Variants in RABGAP1L observed in about 807,000 individuals in gnomAD.
RABGAP1L encodes rab GTPase-activating protein 1-like.
In RABGAP1L, 63 loss-of-function variants were observed where a neutral mutation model predicts 137.7. The ratio of observed to expected loss-of-function variants is 0.46; its 90% CI spans 0.37 to 0.56. The LOEUF (loss-of-function observed/expected upper bound fraction) is 0.56, where lower values mean the gene tolerates loss of function less well. RABGAP1L is among the 20% of genes least tolerant of loss of function. The probability of loss-of-function intolerance (pLI) is 0.00; values close to 1 mark genes in which losing one functional copy is unlikely to be tolerated. For missense variants in RABGAP1L, 1,095 were observed against 1,244.0 expected, an observed-to-expected ratio of 0.88 and a Z score of 1.80; for synonymous variants, 431 against 433.7, an observed-to-expected ratio of 0.99 and a Z score of 0.08.
At chr1:174,338,857 G>T (rs1368817182) in intron 11 of RABGAP1L, among the ~76,000 whole-genome samples, 1 of 151,926 alleles carries the variant, frequency 6.6e-6, no homozygotes, top group Admixed American at 6.6e-5. Flanking sequence ...GCTAAGAATG[G>T]GTTTTGCACT....
At chr1:174,781,806 C>G (rs967144316) in intron 18 of RABGAP1L, among the ~76,000 whole-genome samples, 14 of 152,106 alleles carry the variant, frequency 9.2e-5, no homozygotes, top group Non-Finnish European at 1.3e-4. Flanking sequence ...TTTCCCAGCA[C>G]CATTTGTTAA....
chr1:174,874,398 C>T (rs1652728626), intron 19 of RABGAP1L: 1 of 904,164 alleles, frequency 1.1e-6, no homozygotes, highest in East Asian at 1.2e-4. Context: ...AGTTAAATGA[C>T]TTGCCCGGGG....
In RABGAP1L at chr1:174,217,602, G is replaced by C. The variant is rs1351288175; in HGVS notation, c.-33-1523G>C. On this transcript the variant is annotated intron_variant, in intron 1 of 25. Coordinates refer to ENST00000681986, the MANE Select transcript of RABGAP1L (RefSeq NM_001366446.1). ...TGCAGTCTGGAAGAGTAAAGACCTG[G>C]CTTGTAACACATTCTGCATTTTTAG... Among the ~76,000 whole-genome samples, 3 of 152,124 alleles carry C rather than the reference G, an allele frequency of 2.0e-5. No individual in the cohort carries two copies. In the East Asian group the frequency reaches 5.8e-4, roughly 29 times the overall value.
At chr1:174,527,594 A>G (rs1003806385) in intron 13 of RABGAP1L, among the ~76,000 whole-genome samples, 2 of 152,158 alleles carry the variant, frequency 1.3e-5, no homozygotes, top group African/African-American at 2.4e-5. Flanking sequence ...TGCTGATGAA[A>G]ATAATGTCTA....
At chr1:174,664,734 C>CTTTT (rs71701825) in intron 14 of RABGAP1L, among the ~76,000 whole-genome samples, 227 of 97,422 alleles carry the variant, frequency 2.3e-3, no homozygotes, top group Non-Finnish European at 3.4e-3. Context: ...TTTCTGCTTT[C>CTTTT]TTTTTTTTTT....
At chr1:174,885,244 A>G (rs1339716618) in intron 19 of RABGAP1L, among the ~76,000 whole-genome samples, 1 of 152,208 alleles carries the variant, frequency 6.6e-6, no homozygotes, top group East Asian at 1.9e-4. Flanking sequence ...TACCTGTAAG[A>G]TTAAATCAAA....
chr1:174,902,255 C>T (rs760202557), intron 19 of RABGAP1L, among the ~76,000 whole-genome samples: 2 of 152,180 alleles, frequency 1.3e-5, no homozygotes, highest in Non-Finnish European at 2.9e-5. Flanking sequence ...GTTTGGACCA[C>T]CTATATTCTC....
intron 3 of RABGAP1L, among the ~76,000 whole-genome samples, chr1:174,225,451 G>A (rs1342848263): frequency 9.0e-6 from 1 of 110,848 alleles, no homozygotes; most frequent in Non-Finnish European, 1.9e-5. Flanking sequence ...CGAATCTTAT[G>A]TTTTGAGACT....
chr1:174,822,665 G>T (rs537455234), intron 19 of RABGAP1L, among the ~76,000 whole-genome samples: 3 of 152,282 alleles, frequency 2.0e-5, no homozygotes, highest in African/African-American at 7.2e-5. Context: ...TCACAATAGG[G>T]TTCACGCTCC....
intron 17 of RABGAP1L, among the ~76,000 whole-genome samples, chr1:174,734,620 G>T (rs1482567924): frequency 6.6e-6 from 1 of 152,074 alleles, no homozygotes; most frequent in African/African-American, 2.4e-5. Flanking sequence ...CACAAGATCA[G>T]AGATAGGATC....
intron 13 of RABGAP1L, among the ~76,000 whole-genome samples, chr1:174,541,573 G>A (rs1049576715): frequency 2.2e-4 from 33 of 152,106 alleles, no homozygotes; most frequent in African/African-American, 7.2e-4. Context: ...TCAGGAGATC[G>A]AGACCATCCT....
At chr1:174,213,712 A>G (rs1307773347) in intron 1 of RABGAP1L, among the ~76,000 whole-genome samples, 1 of 152,260 alleles carries the variant, frequency 6.6e-6, no homozygotes, top group Non-Finnish European at 1.5e-5. Context: ...TATCAACAGA[A>G]TTAAGGATGA....
chr1:174,710,367 G>C (rs1331332249), intron 17 of RABGAP1L, among the ~76,000 whole-genome samples: 1 of 152,066 alleles, frequency 6.6e-6, no homozygotes, highest in Admixed American at 6.6e-5. Context: ...CCACAAGACA[G>C]ATAATCATCA....
At chr1:174,569,414 C>T (rs1667819164) in intron 13 of RABGAP1L, among the ~76,000 whole-genome samples, 1 of 152,086 alleles carries the variant, frequency 6.6e-6, no homozygotes, top group Non-Finnish European at 1.5e-5. Flanking sequence ...AATGGTAGAG[C>T]GTAAAGCAGG....
intron 24 of RABGAP1L, among the ~76,000 whole-genome samples, 199 bp from the exon 25 acceptor site, chr1:174,988,442 C>T (rs2149399138): frequency 6.6e-6 from 1 of 152,188 alleles, no homozygotes; most frequent in South Asian, 2.1e-4. Context: ...AGAGATACTT[C>T]AGGAAAAAGG....
intron 11 of RABGAP1L, among the ~76,000 whole-genome samples, chr1:174,350,951 G>A (rs1262414408): frequency 1.9e-5 from 2 of 103,146 alleles, no homozygotes; most frequent in African/African-American, 7.0e-5. Flanking sequence ...GTGGCGGCGC[G>A]TGCCTGCAAT....
rs78117996 is a variant in RABGAP1L, at chr1:174,677,406, G to C, written c.1825-6116G>C. Among the ~76,000 whole-genome samples the C allele has an allele frequency of 2.6e-5, 4 of 152,194 alleles. No individual in the cohort carries two copies. The East Asian group carries it at 7.7e-4, about 29-fold the overall frequency. ...GGCCTAACATTTGAGTGTATGTATA[G>C]CATAACACCTCTGTTACAAATTACT... On this transcript the variant is annotated intron_variant, in intron 14 of 25. Transcript: ENST00000681986.
At chr1:174,623,720 G>A (rs986991063) in intron 13 of RABGAP1L, among the ~76,000 whole-genome samples, 11 of 151,984 alleles carry the variant, frequency 7.2e-5, no homozygotes, top group Admixed American at 2.6e-4. Context: ...TTTATTCTCC[G>A]GCCTCTCTGT....
chr1:174,544,232 C>G (rs1665777004), intron 13 of RABGAP1L, among the ~76,000 whole-genome samples: 1 of 152,164 alleles, frequency 6.6e-6, no homozygotes, highest in Admixed American at 6.5e-5. Context: ...TCAGGTACAC[C>G]AGTCAGGTGT....
Sources: gnomAD v4.1 joint callset for allele counts (sites outside exome capture counted in the v4.1 genomes callset) on GRCh38, gnomAD v4.1.1 for gene constraint, MANE v1.5 for transcripts, NCBI Gene and HGNC (gene_info 2026-07-23, HGNC 2026-07-21) for gene names.